The following HTR2C variants were observed in gnomAD, a reference collection of about 807,000 sequenced individuals.
HTR2C encodes 5-hydroxytryptamine receptor 2C.
In HTR2C, 5 loss-of-function variants were observed where a neutral mutation model predicts 21.0. The observed-to-expected ratio is 0.24, with a 90% CI of 0.12 to 0.50. HTR2C has a LOEUF of 0.50. Ranked by LOEUF, HTR2C falls within the 20% of genes least tolerant of loss-of-function variation. The pLI is 0.98. For synonymous variants in HTR2C, 150 were observed against 145.3 expected, an observed-to-expected ratio of 1.03 and a Z score of -0.23; for missense variants, 271 against 371.2, an observed-to-expected ratio of 0.73 and a Z score of 2.22.
chrX:114,772,340 A>C (rs1602767108), intron 4 of HTR2C, among the ~76,000 whole-genome samples: 1 of 111,650 alleles, frequency 9.0e-6, no homozygotes, highest in Admixed American at 9.6e-5. Context: ...CTACTACCTA[A>C]TCTGTATTCA....
At chrX:114,876,311 T>G (rs1468546512) in intron 5 of HTR2C, among the ~76,000 whole-genome samples, 6 of 110,351 alleles carry the variant, frequency 5.4e-5, no homozygotes, top group African/African-American at 2.0e-4. Flanking sequence ...AGTAGATACT[T>G]TAGGGTTTTA....
chrX:114,749,374 A>T (rs782262619), intron 4 of HTR2C, among the ~76,000 whole-genome samples: 1 of 99,585 alleles, frequency 1.0e-5, no homozygotes, highest in South Asian at 5.5e-4. Flanking sequence ...TTGAGTCCAG[A>T]GCCCAGGAAG....
At chrX:114,794,913 A>G (rs1195223420) in intron 4 of HTR2C, among the ~76,000 whole-genome samples, 4 of 109,315 alleles carry the variant, frequency 3.7e-5, no homozygotes, top group African/African-American at 1.3e-4. Context: ...GGCTGGGTCA[A>G]ATGGTATTTC....
intron 2 of HTR2C, among the ~76,000 whole-genome samples, chrX:114,635,177 A>T (rs903105895): frequency 1.8e-5 from 2 of 112,095 alleles, no homozygotes; most frequent in Non-Finnish European, 3.8e-5. Context: ...CTATAAACAA[A>T]TGTCCCTTAC....
chrX:114,805,399 T>G, intron 4 of HTR2C, among the ~76,000 whole-genome samples: 1 of 57,371 alleles, frequency 1.7e-5, no homozygotes, highest in Non-Finnish European at 3.2e-5. Context: ...TGCACCTGTC[T>G]CCACCCCTTT....
intron 2 of HTR2C, among the ~76,000 whole-genome samples, chrX:114,655,428 G>A: frequency 9.0e-6 from 1 of 111,572 alleles, no homozygotes; most frequent in Middle Eastern, 4.7e-3. Flanking sequence ...CCTACAATGT[G>A]TTTTCAGCCC....
chrX:114,732,688 C>T (rs1453591275), intron 4 of HTR2C, among the ~76,000 whole-genome samples: 1 of 111,033 alleles, frequency 9.0e-6, no homozygotes, highest in Non-Finnish European at 1.9e-5. Flanking sequence ...ATTTTATCTG[C>T]TCAGTGGGCA....
intron 5 of HTR2C, among the ~76,000 whole-genome samples, chrX:114,866,131 A>T (rs782089090): frequency 2.7e-5 from 3 of 111,583 alleles, no homozygotes; most frequent in Non-Finnish European, 5.7e-5. Flanking sequence ...TGCGTTTTTT[A>T]AAATATTTTC....
chrX:114,732,662 G>A (rs955974564), intron 4 of HTR2C, among the ~76,000 whole-genome samples: 8 of 111,234 alleles, frequency 7.2e-5, no homozygotes, highest in Non-Finnish European at 1.3e-4. Context: ...TGATGCATTA[G>A]CCTTAAAGCA....
chrX:114,906,669 G>C lies in HTR2C; in HGVS notation c.631G>C (p.Asp211His). ...GAACAACACGACGTGCGTGCTCAAC[G>C]ACCCAAATTTCGTTCTTATTGGGTC... is the stretch of plus-strand genomic sequence containing the variant. ...FVNNTTCVLN[D>H]PNFVLIGSFV... Residue 211 changes from aspartate to histidine, a missense_variant, in exon 6 of 6, where the codon GAC becomes CAC. Around this residue, in one of 5 missense-constraint regions of HTR2C, gnomAD observed 192 missense variants for 247.2 expected, o/e 0.78. Transcript: ENST00000276198. The C allele has an allele frequency of 2.5e-6, 3 of 1,211,117 alleles. No individual in the cohort carries two copies. Among genetic ancestry groups the C allele is most frequent in the Non-Finnish European group, 3.4e-6 (3 of 895,147 alleles).
chrX:114,878,334 G>A (rs189160310), intron 5 of HTR2C, among the ~76,000 whole-genome samples: 77 of 110,132 alleles, frequency 7.0e-4, no homozygotes, highest in African/African-American at 2.4e-3. Flanking sequence ...TTGTATACCC[G>A]TAGTATAATT....
chrX:114,748,439 AACT>A lies in HTR2C; in HGVS notation c.349+16835_349+16837del, dbSNP rs782593250. Among the ~76,000 whole-genome samples the A allele has an allele frequency of 4.5e-5, 5 of 111,850 alleles. No individual in the cohort carries two copies. The South Asian group carries it at 1.9e-3, about 42-fold the overall frequency. Reference sequence around the variant, plus strand: ...TAAAATTTATGCAGAAAGGCAAAAGAACTACAATAGCTGAAACAGTTTTGAAAA... The same window carrying A: ...TAAAATTTATGCAGAAAGGCAAAAGAACAATAGCTGAAACAGTTTTGAAAA... On this transcript the variant is annotated intron_variant, in intron 4 of 5. Transcript: ENST00000276198.
chrX:114,807,462 TA>T (rs2070485756), intron 4 of HTR2C, among the ~76,000 whole-genome samples: 1 of 6,200 alleles, frequency 1.6e-4, no homozygotes, highest in South Asian at 7.3e-3. Context: ...ATATACGCCA[TA>T]TATATATACC....
intron 4 of HTR2C, among the ~76,000 whole-genome samples, chrX:114,790,976 C>A (rs782337501): frequency 2.7e-5 from 3 of 109,505 alleles, no homozygotes; most frequent in East Asian, 5.7e-4. Flanking sequence ...CCAGCCTGGG[C>A]GGCCAGGGGA....
At chrX:114,755,777 C>A (rs1376217948) in intron 4 of HTR2C, among the ~76,000 whole-genome samples, 3 of 110,896 alleles carry the variant, frequency 2.7e-5, no homozygotes, top group Non-Finnish European at 5.7e-5. Context: ...GACCAAAAAA[C>A]ACATTTCATT....
At chrX:114,771,057 C>T (rs1358580221) in intron 4 of HTR2C, among the ~76,000 whole-genome samples, 1 of 111,307 alleles carries the variant, frequency 9.0e-6, no homozygotes, top group East Asian at 2.8e-4. Flanking sequence ...CCACATTGGC[C>T]TCCCAAAGTG....
intron 4 of HTR2C, among the ~76,000 whole-genome samples, chrX:114,822,637 C>T (rs2070645015): frequency 8.9e-6 from 1 of 112,163 alleles, no homozygotes; most frequent in Non-Finnish European, 1.9e-5. Flanking sequence ...AAGGAGGTAG[C>T]TCAATTGGAA....
intron 4 of HTR2C, among the ~76,000 whole-genome samples, chrX:114,738,150 G>A (rs1451060303): frequency 9.0e-6 from 1 of 111,602 alleles, no homozygotes; most frequent in Non-Finnish European, 1.9e-5. Context: ...GATAGGAATT[G>A]TTGTCAAAGA....
chrX:114,648,040 C>T (rs781895109), intron 2 of HTR2C, among the ~76,000 whole-genome samples: 3 of 112,073 alleles, frequency 2.7e-5, no homozygotes, highest in East Asian at 5.6e-4. Context: ...CATAAAGAAA[C>T]GAAGACCCAA....
Sources: gnomAD v4.1 joint callset for allele counts (sites outside exome capture counted in the v4.1 genomes callset) on GRCh38, gnomAD v4.1.1 for gene constraint, gnomAD v4.1.1 regional missense constraint, MANE v1.5 for transcripts, NCBI Gene and HGNC (gene_info 2026-07-23, HGNC 2026-07-21) for gene names.